DAB1: variants seen among roughly 807,000 people sequenced by gnomAD.
DAB1 encodes the protein disabled homolog 1.
Under a neutral mutation model 64.6 loss-of-function variants are expected in DAB1, and 15 were observed. That is an observed-to-expected ratio of 0.23 (90% confidence interval 0.16 to 0.36). The LOEUF is 0.36. DAB1 is among the 10% of genes least tolerant of loss of function. The pLI, the probability that DAB1 is intolerant of heterozygous loss-of-function variation, is 1.00. For missense variants in DAB1, 596 were observed against 706.7 expected (o/e 0.84, Z 1.78); for synonymous variants, 235 against 251.9 (o/e 0.93, Z 0.64).
At chr1:58,192,976 T>C (rs1225944041) in intron 4 of DAB1, among the ~76,000 whole-genome samples, 1 of 152,210 alleles carries the variant, frequency 6.6e-6, no homozygotes, top group African/African-American at 2.4e-5. Flanking sequence ...TTTTGTGTTA[T>C]TTGTATTTTA....
At chr1:58,393,904 C>T (rs1644497222) in intron 3 of DAB1, among the ~76,000 whole-genome samples, 1 of 152,078 alleles carries the variant, frequency 6.6e-6, no homozygotes, top group South Asian at 2.1e-4. Context: ...AGTATGTGAG[C>T]TGAGAGATTT....
At chr1:57,941,558 C>T (rs903617469) in intron 5 of DAB1, among the ~76,000 whole-genome samples, 4 of 152,288 alleles carry the variant, frequency 2.6e-5, no homozygotes, top group Middle Eastern at 3.4e-3. Context: ...TCGAATGGGC[C>T]GGGCATGGTG....
Position 58,484,901 on chromosome 1 carries a change from G to A in DAB1, n.257+21159C>T, listed in dbSNP as rs536234369. Among the ~76,000 whole-genome samples, 24 of 152,178 alleles carry A rather than the reference G, an allele frequency of 1.6e-4. No individual in the cohort carries two copies. The South Asian group carries it at 2.5e-3, about 16-fold the overall frequency. On this transcript the variant is annotated intron_variant and non_coding_transcript_variant, in intron 3 of 20. Transcript: ENST00000485760. ...AGATCAGTGGTTGCCAGGGGCTAGG[G>A]GGAGGGAGGAATGAGTAGGCACAGA... is the stretch of plus-strand genomic sequence containing the variant.
chr1:57,327,652 G>A (rs949755519), intron 1 of DAB1, among the ~76,000 whole-genome samples: 2 of 152,132 alleles, frequency 1.3e-5, no homozygotes, highest in East Asian at 3.9e-4. Flanking sequence ...GTCTTGGCAG[G>A]AGAGGGGAAA....
intron 7 of DAB1, among the ~76,000 whole-genome samples, chr1:57,543,463 G>T (rs1644824711): frequency 6.6e-6 from 1 of 152,192 alleles, no homozygotes; most frequent in South Asian, 2.1e-4. Context: ...TATGCAGCAA[G>T]TGGTTACCCT....
At chr1:57,030,097 G>A (rs1176600438) in intron 9 of DAB1, among the ~76,000 whole-genome samples, 3 of 152,224 alleles carry the variant, frequency 2.0e-5, no homozygotes, top group South Asian at 2.1e-4. Context: ...GGACCCAGGG[G>A]GAGTTAATTC....
At chr1:57,357,358 C>T (rs1679188251) in intron 1 of DAB1, among the ~76,000 whole-genome samples, 1 of 151,960 alleles carries the variant, frequency 6.6e-6, no homozygotes, top group African/African-American at 2.4e-5. Context: ...ATTTCTTCAC[C>T]TGTAAAACTC....
intron 7 of DAB1, among the ~76,000 whole-genome samples, chr1:57,451,481 G>A (rs1377786093): frequency 1.3e-5 from 2 of 152,124 alleles, no homozygotes; most frequent in African/African-American, 4.8e-5. Context: ...TATGTTTTGT[G>A]ATGTGTAGGA....
intron 5 of DAB1, among the ~76,000 whole-genome samples, chr1:58,127,799 G>C (rs1221059680): frequency 6.6e-6 from 1 of 151,356 alleles, no homozygotes; most frequent in Non-Finnish European, 1.5e-5. Flanking sequence ...TGAGGGCTCT[G>C]TTCTGTTCCA....
At chr1:57,642,955 A>T (rs547557440) in intron 7 of DAB1, among the ~76,000 whole-genome samples, 1 of 152,318 alleles carries the variant, frequency 6.6e-6, no homozygotes. Context: ...CAGATGCTGG[A>T]CTACGGCACT....
chr1:57,717,165 G>A (rs752933823), intron 6 of DAB1, among the ~76,000 whole-genome samples: 3 of 151,794 alleles, frequency 2.0e-5, no homozygotes, highest in South Asian at 2.1e-4. Flanking sequence ...ACTTGAACCC[G>A]GGAGGCATAT....
At chr1:57,358,640 A>C (rs972247967) in intron 1 of DAB1, among the ~76,000 whole-genome samples, 1 of 152,100 alleles carries the variant, frequency 6.6e-6, no homozygotes, top group South Asian at 2.1e-4. Context: ...TAAAATTCTT[A>C]TGGAACCACA....
chr1:57,479,297 A>C (rs1318913183), intron 7 of DAB1, among the ~76,000 whole-genome samples: 1 of 152,060 alleles, frequency 6.6e-6, no homozygotes, highest in Admixed American at 6.5e-5. Context: ...TCACACACAC[A>C]GAAAATGCTT....
intron 6 of DAB1, among the ~76,000 whole-genome samples, chr1:57,724,398 C>A (rs1400573135): frequency 6.6e-6 from 1 of 151,918 alleles, no homozygotes; most frequent in Non-Finnish European, 1.5e-5. Context: ...AGAGGAAGTC[C>A]TCAGAGGGAG....
At chr1:57,194,126 T>C (rs1208416767) in intron 2 of DAB1, among the ~76,000 whole-genome samples, 2 of 152,216 alleles carry the variant, frequency 1.3e-5, no homozygotes, top group African/African-American at 4.8e-5. Flanking sequence ...CAAACTTGAG[T>C]GTGCATTAGA....
chr1:58,105,189 CAG>C (rs1158279934), intron 5 of DAB1, among the ~76,000 whole-genome samples: 1 of 152,202 alleles, frequency 6.6e-6, no homozygotes, highest in East Asian at 1.9e-4. Context: ...CTAAAGGTCA[CAG>C]AACAGTTCCT....
chr1:57,850,038 G>A (rs936491957), intron 1 of DAB1, among the ~76,000 whole-genome samples: 1 of 152,168 alleles, frequency 6.6e-6, no homozygotes, highest in African/African-American at 2.4e-5. Flanking sequence ...GTTGACATAG[G>A]TGGGGATACC....
At chr1:57,095,238 G>A (rs1263356683) in intron 4 of DAB1, among the ~76,000 whole-genome samples, 1 of 152,162 alleles carries the variant, frequency 6.6e-6, no homozygotes, top group African/African-American at 2.4e-5. Context: ...AGTGAAGGGG[G>A]CCCACTGAGT....
At chr1:58,130,394 G>A (rs1208306408) in intron 5 of DAB1, among the ~76,000 whole-genome samples, 2 of 151,158 alleles carry the variant, frequency 1.3e-5, no homozygotes, top group Non-Finnish European at 2.9e-5. Flanking sequence ...ACACTGATGG[G>A]TCTTGACTCT....
Sources: gnomAD v4.1 joint callset for allele counts (sites outside exome capture counted in the v4.1 genomes callset) on GRCh38, gnomAD v4.1.1 for gene constraint, MANE v1.5 for transcripts, NCBI Gene and HGNC (gene_info 2026-07-23, HGNC 2026-07-21) for gene names.